The following UXS1 variants were observed in gnomAD, a reference collection of about 807,000 sequenced individuals.
The protein encoded by UXS1 is UDP-glucuronate decarboxylase 1.
UXS1 carries 33 observed loss-of-function variants against 62.6 expected under a neutral mutation model. The observed-to-expected ratio is 0.53, with a 90% confidence interval of 0.40 to 0.70. The LOEUF is 0.70. Ranked by LOEUF, UXS1 falls within the 30% of genes least tolerant of loss-of-function variation. The pLI is 0.00. For synonymous variants in UXS1, 213 were observed against 206.8 expected, an observed-to-expected ratio of 1.03 and a Z score of -0.26; for missense variants, 434 against 556.3, an observed-to-expected ratio of 0.78 and a Z score of 2.21.
intron 10 of UXS1, among the ~76,000 whole-genome samples, chr2:106,105,820 C>T (rs952101050): frequency 4.6e-5 from 7 of 152,162 alleles, no homozygotes; most frequent in African/African-American, 1.4e-4. Context: ...AGAGTGCCCT[C>T]GGGGGTTTTG....
chr2:106,180,521 A>G (rs547845106), intron 1 of UXS1, among the ~76,000 whole-genome samples: 4 of 152,340 alleles, frequency 2.6e-5, no homozygotes, highest in African/African-American at 7.2e-5. Context: ...TAATTCTTAG[A>G]GCTGGAAATA....
chr2:106,168,224 T>G (rs1453853751), intron 1 of UXS1, among the ~76,000 whole-genome samples: 3 of 152,132 alleles, frequency 2.0e-5, no homozygotes, highest in African/African-American at 7.2e-5. Flanking sequence ...GTAAAGAAGC[T>G]GACTAAAACC....
intron 5 of UXS1, among the ~76,000 whole-genome samples, chr2:106,156,603 G>C (rs1389142972): frequency 6.6e-6 from 1 of 152,136 alleles, no homozygotes; most frequent in Non-Finnish European, 1.5e-5. Flanking sequence ...AAGATGCTCA[G>C]GTTCCGCATA....
intron 4 of UXS1, among the ~76,000 whole-genome samples, 157 bp from the exon 5 acceptor site, chr2:106,158,275 G>T (rs1682608728): frequency 6.6e-6 from 1 of 152,194 alleles, no homozygotes; most frequent in Non-Finnish European, 1.5e-5. Flanking sequence ...GGAGTCACTA[G>T]TTAACTTGAG....
At chr2:106,138,161 A>G (rs1004431460) in intron 6 of UXS1, 27 of 985,214 alleles carry the variant, frequency 2.7e-5, no homozygotes, top group South Asian at 1.4e-4. Context: ...GAAAGCCACT[A>G]TCATTAACCT....
chr2:106,156,208 C>G (rs890139066), intron 5 of UXS1, among the ~76,000 whole-genome samples: 1 of 151,832 alleles, frequency 6.6e-6, no homozygotes, highest in Non-Finnish European at 1.5e-5. Context: ...AAAAATAACC[C>G]AATTAAAGAA....
At chr2:106,129,908 T>C (rs888001053) in intron 6 of UXS1, 130 bp from the exon 7 acceptor site, 6 of 561,016 alleles carry the variant, frequency 1.1e-5, no homozygotes, top group South Asian at 2.9e-5. Context: ...TTATTCTTCA[T>C]ATAAACTAAT....
intron 6 of UXS1, among the ~76,000 whole-genome samples, chr2:106,141,656 C>T (rs1292589269): frequency 6.6e-6 from 1 of 152,002 alleles, no homozygotes; most frequent in Non-Finnish European, 1.5e-5. Flanking sequence ...GCCATGTTGC[C>T]CAGGCTGGTC....
intron 9 of UXS1, among the ~76,000 whole-genome samples, chr2:106,122,619 T>C (rs1679611879): frequency 1.3e-5 from 2 of 152,234 alleles, no homozygotes; most frequent in African/African-American, 2.4e-5. Context: ...ATTTTTTTAC[T>C]TAATTGATAG....
intron 1 of UXS1, among the ~76,000 whole-genome samples, chr2:106,176,847 A>G (rs1410824003): frequency 6.6e-6 from 1 of 152,214 alleles, no homozygotes; most frequent in Non-Finnish European, 1.5e-5. Flanking sequence ...GCCCTCCAGG[A>G]AGCCAGAACT....
At chr2:106,120,982 G>A (rs1337646769) in intron 9 of UXS1, among the ~76,000 whole-genome samples, 1 of 152,164 alleles carries the variant, frequency 6.6e-6, no homozygotes, top group Non-Finnish European at 1.5e-5. Flanking sequence ...GGGCAACGCT[G>A]CCCACGCCAT....
At chr2:106,143,950 G>A (rs1007922146) in intron 6 of UXS1, among the ~76,000 whole-genome samples, 5 of 152,118 alleles carry the variant, frequency 3.3e-5, no homozygotes, top group African/African-American at 9.7e-5. Context: ...GTGACTATGT[G>A]GGGGCACACC....
rs1472989856 is a variant in UXS1 at position 106,125,653 on chromosome 2, G to T, written c.604C>A (p.Leu202Met). ...ACCTCCGATGTGGAGGCCAGGAGCA[G>T]ACGGGCACCGACTCGTTTTGCCAGC... Reference protein sequence around the residue: ...LGLAKRVGARLLLASTSEVYG... With the variant: ...LGLAKRVGARMLLASTSEVYG... Residue 202 changes from leucine to methionine, a missense_variant, in exon 8 of 15, where the codon CTG becomes ATG. Transcript: ENST00000283148. 2 of 1,579,758 alleles carry T rather than the reference G, an allele frequency of 1.3e-6. No homozygotes were observed. The highest frequency in any genetic ancestry group is 4.6e-5 in the East Asian group (2 of 43,050).
chr2:106,125,358 C>A lies in UXS1; in HGVS notation c.637+262G>T, dbSNP rs186847979. ...TTTTCAGAGCAGAATGGCAGAAACA[C>A]TTCTGTGGAATCATAAATGGTGGGT... On this transcript the variant is annotated intron_variant, in intron 8 of 14. Coordinates refer to ENST00000283148, the MANE Select transcript of UXS1 (RefSeq NM_001253875.2). Among the ~76,000 whole-genome samples, 274 of 152,310 alleles carry A rather than the reference C, an allele frequency of 1.8e-3. 1 individual carries two copies. The highest frequency in any genetic ancestry group is 6.0e-3 in the African/African-American group (251 of 41,584).
At chr2:106,114,831 G>A (rs959389295) in intron 9 of UXS1, among the ~76,000 whole-genome samples, 3 of 152,078 alleles carry the variant, frequency 2.0e-5, no homozygotes, top group Non-Finnish European at 4.4e-5. Context: ...TCTCAAGGCT[G>A]GTCTACACCA....
At chr2:106,130,986 C>T (rs1056316913) in intron 6 of UXS1, among the ~76,000 whole-genome samples, 1 of 152,008 alleles carries the variant, frequency 6.6e-6, no homozygotes, top group Admixed American at 6.5e-5. Context: ...GCATTTCCAT[C>T]TGAGGTTCCG....
intron 1 of UXS1, among the ~76,000 whole-genome samples, chr2:106,181,368 C>T (rs576892856): frequency 3.3e-5 from 5 of 152,316 alleles, no homozygotes; most frequent in East Asian, 3.9e-4. Flanking sequence ...CGAGCACCAC[C>T]GATTAGGTTT....
At chr2:106,163,858 G>A in intron 3 of UXS1, 148 bp from the exon 4 acceptor site, 1 of 461,944 alleles carries the variant, frequency 2.2e-6, no homozygotes, top group Non-Finnish European at 3.9e-6. Context: ...TACACCACTT[G>A]CATCACAATG....
At chr2:106,114,785 G>A (rs1004306134) in intron 9 of UXS1, among the ~76,000 whole-genome samples, 1 of 152,186 alleles carries the variant, frequency 6.6e-6, no homozygotes, top group South Asian at 2.1e-4. Flanking sequence ...AGGTGCAACA[G>A]CCGTTGAGTG....
Sources: allele counts gnomAD v4.1 joint callset (sites outside exome capture counted in the v4.1 genomes callset), GRCh38; gene constraint gnomAD v4.1.1; transcripts MANE v1.5; gene names NCBI Gene and HGNC (gene_info 2026-07-23, HGNC 2026-07-21).